The following DPP6 variants were observed in gnomAD, a reference collection of about 807,000 sequenced individuals.
DPP6 encodes the protein A-type potassium channel modulatory protein DPP6.
A neutral mutation model predicts 122.6 loss-of-function variants in DPP6; 69 were observed. The ratio of observed to expected loss-of-function variants is 0.56; its 90% confidence interval spans 0.46 to 0.69. The LOEUF is 0.69. Ranked by LOEUF, DPP6 falls within the 30% of genes least tolerant of loss-of-function variation. The pLI, the probability that DPP6 is intolerant of heterozygous loss-of-function variation, is 0.00. For synonymous variants in DPP6, 418 were observed against 433.1 expected (o/e 0.97, Z 0.43); for missense variants, 928 against 1,116.9 (o/e 0.83, Z 2.41).
At chr7:154,336,773 C>T (rs1038617096) in intron 1 of DPP6, among the ~76,000 whole-genome samples, 4 of 151,972 alleles carry the variant, frequency 2.6e-5, no homozygotes, top group Admixed American at 6.6e-5. Flanking sequence ...GTTACAGATG[C>T]GGGAAGTGGT....
At chr7:154,325,073 G>A (rs1271782326) in intron 1 of DPP6, among the ~76,000 whole-genome samples, 1 of 151,910 alleles carries the variant, frequency 6.6e-6, no homozygotes, top group African/African-American at 2.4e-5. Flanking sequence ...TACCATATTA[G>A]CCAGGCTGGT....
intron 8 of DPP6, among the ~76,000 whole-genome samples, chr7:154,761,479 T>C (rs1795552110): frequency 6.6e-6 from 1 of 151,702 alleles, no homozygotes; most frequent in Admixed American, 6.6e-5. Flanking sequence ...GTTCTTGCAT[T>C]GCGATAAAGA....
rs571943654 is a variant in DPP6, at chr7:154,285,812, C to G, written c.244-160402C>G. On this transcript the variant is annotated intron_variant, in intron 1 of 25. Transcript: ENST00000377770. ...GCATTTATTACAATCAGGCAGAGTA[C>G]TGATGTGTTTCGAATACGGGAAAGA... Among the ~76,000 whole-genome samples the G allele has an allele frequency of 1.7e-3, 256 of 152,246 alleles. 2 individuals are homozygous for G. The highest frequency in any genetic ancestry group is 1.2e-3 in the Non-Finnish European group (80 of 68,022).
chr7:154,558,134 T>C (rs981054240), intron 4 of DPP6, among the ~76,000 whole-genome samples: 1 of 151,840 alleles, frequency 6.6e-6, no homozygotes, highest in Non-Finnish European at 1.5e-5. Flanking sequence ...GTATATGATG[T>C]TCCCCTCCCT....
At chr7:154,720,217 C>G (rs1011349917) in intron 7 of DPP6, among the ~76,000 whole-genome samples, 2 of 152,164 alleles carry the variant, frequency 1.3e-5, no homozygotes, top group African/African-American at 4.8e-5. Flanking sequence ...GAGGAGGGAA[C>G]ACACCTGTGC....
chr7:153,847,342 T>C, the DPP6 span, among the ~76,000 whole-genome samples: 1 of 152,190 alleles, frequency 6.6e-6, no homozygotes, highest in Non-Finnish European at 1.5e-5. Flanking sequence ...TGACCATATT[T>C]ATAATAGTGG....
chr7:154,630,081 C>A (rs1835315421), intron 5 of DPP6, among the ~76,000 whole-genome samples: 1 of 152,206 alleles, frequency 6.6e-6, no homozygotes, highest in South Asian at 2.1e-4. Context: ...GAAACTGAGG[C>A]TCAGATAAGC....
chr7:153,919,816 T>C (rs955483654), intron 1 of DPP6, among the ~76,000 whole-genome samples: 35 of 152,226 alleles, frequency 2.3e-4, no homozygotes, highest in Non-Finnish European at 5.0e-4. Flanking sequence ...TTAATGTATT[T>C]TAGATTGGGG....
intron 10 of DPP6, among the ~76,000 whole-genome samples, chr7:154,791,417 G>C (rs1797673507): frequency 6.6e-6 from 1 of 152,146 alleles, no homozygotes; most frequent in African/African-American, 2.4e-5. Context: ...CCTGGTGGCA[G>C]GCAAGAGAGC....
intron 5 of DPP6, among the ~76,000 whole-genome samples, chr7:154,574,547 GTGTGTGTGGTA>G (rs1831364304): frequency 7.0e-6 from 1 of 142,856 alleles, no homozygotes; most frequent in African/African-American, 2.6e-5. Flanking sequence ...ATGGTGTGGT[GTGTGTGTGGTA>G]TGTGTATAAG....
chr7:154,066,116 G>A (rs1438884072), intron 1 of DPP6, among the ~76,000 whole-genome samples: 1 of 149,570 alleles, frequency 6.7e-6, no homozygotes, highest in Non-Finnish European at 1.5e-5. Flanking sequence ...CTGGAGTGCA[G>A]TGATACAAAC....
rs564621370 is a variant in DPP6 at position 153,900,351 on chromosome 7, A to G, written c.51+12617A>G. On this transcript the variant is annotated intron_variant, in intron 1 of 25. Transcript: ENST00000404039. ...CCCATTCCTTGGTATGTGTTGCTAT[A>G]AAGGCATACCTGAGGCTGGGTAATC... Among the ~76,000 whole-genome samples the G allele has an allele frequency of 3.2e-3, 493 of 152,050 alleles. 4 individuals are homozygous for G. Among genetic ancestry groups the G allele is most frequent in the Middle Eastern group, 0.017 (5 of 294 alleles).
In DPP6 at chr7:154,366,943, C is replaced by T. The variant is rs138054569; in HGVS notation, c.244-79271C>T. Among the ~76,000 whole-genome samples the T allele has an allele frequency of 3.9e-3, 592 of 152,220 alleles. 4 individuals are homozygous for T. Among genetic ancestry groups the T allele is most frequent in the African/African-American group, 0.013 (557 of 41,536 alleles). On this transcript the variant is annotated intron_variant, in intron 1 of 25. Coordinates refer to ENST00000377770, the MANE Select transcript of DPP6 (RefSeq NM_130797.4). ...GAATTTACAGGGAGGAGTTTGAGCACGCATGGAAAACGTTCTGATTTTGTT... is the reference window on the plus strand; with the variant it reads ...GAATTTACAGGGAGGAGTTTGAGCATGCATGGAAAACGTTCTGATTTTGTT...
intron 8 of DPP6, among the ~76,000 whole-genome samples, chr7:154,745,199 C>A (rs1448909790): frequency 3.3e-5 from 5 of 152,166 alleles, no homozygotes; most frequent in Non-Finnish European, 7.4e-5. Flanking sequence ...GTCCTGTGAT[C>A]CTGAGAAAAT....
At chr7:154,365,829 A>G (rs544722321) in intron 1 of DPP6, among the ~76,000 whole-genome samples, 52 of 152,122 alleles carry the variant, frequency 3.4e-4, no homozygotes, top group African/African-American at 9.2e-4. Context: ...GTGGTGGCGG[A>G]CGCCTGTAGT....
At chr7:154,469,983 G>A (rs1259789573) in intron 2 of DPP6, among the ~76,000 whole-genome samples, 6 of 152,234 alleles carry the variant, frequency 3.9e-5, no homozygotes, top group East Asian at 3.8e-4. Context: ...TGGTACCGAC[G>A]TTGGAAAATG....
Position 154,472,853 on chromosome 7 carries a change from A to G in DPP6, c.359-2086A>G, listed in dbSNP as rs1288670651. Among the ~76,000 whole-genome samples the G allele has an allele frequency of 3.4e-5, 5 of 146,252 alleles. No homozygotes were observed. The Admixed American group carries it at 3.4e-4, about 10-fold the overall frequency. On this transcript the variant is annotated intron_variant, in intron 2 of 25. Transcript: ENST00000377770. Reference sequence around the variant, plus strand: ...GCATATATCATAATGCCTCCACCACATACTTTCCCTATATAGAAGTCTTAA... The same window carrying G: ...GCATATATCATAATGCCTCCACCACGTACTTTCCCTATATAGAAGTCTTAA...
chr7:154,288,105 T>G (rs1253369877), intron 1 of DPP6, among the ~76,000 whole-genome samples: 1 of 152,154 alleles, frequency 6.6e-6, no homozygotes, highest in African/African-American at 2.4e-5. Flanking sequence ...CCTCCCTGAA[T>G]TGAAGTCCTT....
chr7:154,834,806 C>T (rs1800918886), intron 16 of DPP6, among the ~76,000 whole-genome samples: 1 of 152,186 alleles, frequency 6.6e-6, no homozygotes, highest in African/African-American at 2.4e-5. Context: ...GGAAGAGCCC[C>T]TTTTCTCTTG....
Sources: gnomAD v4.1 joint callset for allele counts (sites outside exome capture counted in the v4.1 genomes callset) on GRCh38, gnomAD v4.1.1 for gene constraint, MANE v1.5 for transcripts, NCBI Gene and HGNC (gene_info 2026-07-23, HGNC 2026-07-21) for gene names.